The following ZFAND5 variants were observed in gnomAD, a reference collection of about 807,000 sequenced individuals.
ZFAND5 encodes the protein AN1-type zinc finger protein 5.
A neutral mutation model predicts 23.6 loss-of-function variants in ZFAND5; 4 were observed. The ratio of observed to expected loss-of-function variants is 0.17; its 90% confidence interval spans 0.08 to 0.39. The LOEUF is 0.39. Among genes scored for constraint, ZFAND5 ranks in the 10% least tolerant of loss-of-function variants. The pLI, the probability that ZFAND5 is intolerant of heterozygous loss-of-function variation, is 1.00. For synonymous variants in ZFAND5, 68 were observed against 80.6 expected (o/e 0.84, Z 0.84); for missense variants, 161 against 253.7 (o/e 0.63, Z 2.48).
chr9:72,362,107 G>A (rs1460533281), intron 2 of ZFAND5, among the ~76,000 whole-genome samples: 2 of 152,122 alleles, frequency 1.3e-5, no homozygotes, highest in Non-Finnish European at 2.9e-5. Flanking sequence ...CAAATATTAA[G>A]ACAATCTAGC....
chr9:72,354,860 TG>T lies in ZFAND5; in HGVS notation c.*1092del, dbSNP rs1218126262. The T allele has an allele frequency of 6.6e-6, 1 of 152,656 alleles. No homozygotes were observed. The highest frequency in any genetic ancestry group is 2.4e-5 in the African/African-American group (1 of 41,460). The allele number at this position is 152,656 out of a possible 1,614,324, so 9.5% of individuals were successfully genotyped here. A position where few individuals can be genotyped will look rare whatever the true frequency, so the allele number is the denominator to read the frequency against. ...TTTTCTAGTTGTTATTGTACAATGCTGTAGATAATGCAGCCCATGCAATACA... is the reference window on the plus strand; with the variant it reads ...TTTTCTAGTTGTTATTGTACAATGCTTAGATAATGCAGCCCATGCAATACA... On this transcript the variant is annotated 3_prime_UTR_variant, in exon 7 of 7. Coordinates refer to ENST00000376962, the MANE Select transcript of ZFAND5 (RefSeq NM_001102420.3).
Position 72,353,547 on chromosome 9 carries a change from GC to G in ZFAND5, c.*2405del, listed in dbSNP as rs1587864313. The G allele has an allele frequency of 1.3e-5, 2 of 152,384 alleles. No individual in the cohort carries two copies. Among genetic ancestry groups the G allele is most frequent in the African/African-American group, 4.8e-5 (2 of 41,548 alleles). 9.4% of individuals were successfully genotyped at this position (152,384 alleles called of 1,614,324 possible). A position where few individuals can be genotyped will look rare whatever the true frequency, so the allele number is the denominator to read the frequency against. Reference sequence around the variant, plus strand: ...AAATTAGCTGGGCGTGGTGGCTGGTGCCTGTGATCCCAGCTACTTAGGAGGC... The same window carrying G: ...AAATTAGCTGGGCGTGGTGGCTGGTGCTGTGATCCCAGCTACTTAGGAGGC... On this transcript the variant is annotated 3_prime_UTR_variant, in exon 7 of 7. Transcript: ENST00000376962.
rs1489105281 is a variant in ZFAND5 at position 72,354,633 on chromosome 9, A to G, written c.*1320T>C. On this transcript the variant is annotated 3_prime_UTR_variant, in exon 7 of 7. Transcript: ENST00000376962. ...CTGAATGCTTTAAGAATAAAAGTAA[A>G]AACTAGGACTGAACATTGCAATAAA... 6.6e-6 allele frequency: 1 copy of G among 152,666 alleles called. No homozygotes were observed. The highest frequency in any genetic ancestry group is 6.5e-5 in the Admixed American group (1 of 15,284). 9.5% of individuals were successfully genotyped at this position (152,666 alleles called of 1,614,324 possible). A position where few individuals can be genotyped will look rare whatever the true frequency, so the allele number is the denominator to read the frequency against.
intron 5 of ZFAND5, among the ~76,000 whole-genome samples, chr9:72,358,432 A>G (rs3012504): frequency 0.43 from 64,615 of 151,880 alleles, 14,687 homozygotes; most frequent in South Asian, 0.57. Flanking sequence ...AGTGAATCAC[A>G]GAATGCCTAC....
chr9:72,358,246 A>G (rs1281208391), intron 5 of ZFAND5, among the ~76,000 whole-genome samples: 1 of 152,158 alleles, frequency 6.6e-6, no homozygotes, highest in Non-Finnish European at 1.5e-5. Flanking sequence ...TGCTACTGTG[A>G]CAACATTAAT....
At chr9:72,359,677 A>G (rs17630132) in intron 4 of ZFAND5, among the ~76,000 whole-genome samples, 156 bp from the exon 5 acceptor site, 5,769 of 152,284 alleles carry the variant, frequency 0.038, 134 homozygotes, top group African/African-American at 0.06. Context: ...GATGCCCAGC[A>G]CAAATGGTTG....
At chr9:72,358,566 T>C (rs984176920) in intron 5 of ZFAND5, among the ~76,000 whole-genome samples, 8 of 152,198 alleles carry the variant, frequency 5.3e-5, no homozygotes. Context: ...GGCAAACTAA[T>C]GTGGTCAGTT....
Position 72,364,729 on chromosome 9 carries a change from C to G in ZFAND5, c.-180G>C, listed in dbSNP as rs1842215004. 1.3e-6 allele frequency: 1 copy of G among 741,886 alleles called. No individual in the cohort carries two copies. The highest frequency in any genetic ancestry group is 2.7e-5 in the South Asian group (1 of 36,808). 46.0% of individuals were successfully genotyped at this position (741,886 alleles called of 1,614,324 possible). A position where few individuals can be genotyped will look rare whatever the true frequency, so the allele number is the denominator to read the frequency against. ...GTCCCAAATGCGAAAGCCGGGTTCG[C>G]GCGCGAAGCCGGCACGATGAGGCCG... On this transcript the variant is annotated 5_prime_UTR_variant, in exon 1 of 7. Transcript: ENST00000376962.
At chr9:72,361,654 C>T (rs1450490525) in intron 2 of ZFAND5, among the ~76,000 whole-genome samples, 1 of 152,108 alleles carries the variant, frequency 6.6e-6, no homozygotes, top group African/African-American at 2.4e-5. Context: ...TGCTGGGTTA[C>T]CAGAAAAAGC....
At position 72,363,488 on chromosome 9, in the gene ZFAND5, G is replaced by C; in HGVS notation, c.-28C>G. On this transcript the variant is annotated 5_prime_UTR_variant, in exon 2 of 7. Coordinates refer to ENST00000376962, the MANE Select transcript of ZFAND5 (RefSeq NM_001102420.3). ...CACTCACCTGGGAATGGAGACCTGA[G>C]TTCAAGTCTCTAGTCTGCCACTAAG... is the stretch of plus-strand genomic sequence containing the variant. The C allele has an allele frequency of 3.4e-6, 1 of 297,438 alleles. No individual in the cohort carries two copies. Among genetic ancestry groups the C allele is most frequent in the Non-Finnish European group, 5.0e-6 (1 of 200,808 alleles). 18.4% of individuals were successfully genotyped at this position (297,438 alleles called of 1,614,324 possible).
At chr9:72,356,655 G>C (rs898453178) in intron 6 of ZFAND5, among the ~76,000 whole-genome samples, 1 of 152,136 alleles carries the variant, frequency 6.6e-6, no homozygotes, top group Non-Finnish European at 1.5e-5. Context: ...CTTACTGTTA[G>C]TTCAGTAACA....
At chr9:72,364,356 C>G in intron 1 of ZFAND5, 1 of 1,133,116 alleles carries the variant, frequency 8.8e-7, no homozygotes, top group Non-Finnish European at 1.1e-6. Flanking sequence ...CCGCCTCGGC[C>G]TCTTTGTTTC....
intron 2 of ZFAND5, among the ~76,000 whole-genome samples, chr9:72,361,894 T>A (rs1842114792): frequency 6.6e-6 from 1 of 152,274 alleles, no homozygotes; most frequent in Non-Finnish European, 1.5e-5. Flanking sequence ...TCGTGTGCTG[T>A]AACTTGTGGT....
At chr9:72,358,645 C>T (rs1435447818) in intron 5 of ZFAND5, among the ~76,000 whole-genome samples, 1 of 152,098 alleles carries the variant, frequency 6.6e-6, no homozygotes, top group Admixed American at 6.6e-5. Flanking sequence ...TTGGCCTTAA[C>T]TTTGTAAGAT....
intron 4 of ZFAND5, 123 bp from the exon 5 acceptor site, chr9:72,359,644 A>T: frequency 1.1e-6 from 1 of 927,964 alleles, no homozygotes; most frequent in Non-Finnish European, 1.5e-6. Context: ...GAGCTAGATA[A>T]TCTAAAGTTT....
chr9:72,362,451 G>A (rs1313929986), intron 2 of ZFAND5, among the ~76,000 whole-genome samples: 1 of 152,176 alleles, frequency 6.6e-6, no homozygotes, highest in Non-Finnish European at 1.5e-5. Context: ...TTTCTACACT[G>A]AGGCCCAGTC....
In ZFAND5 at chr9:72,354,662, G is replaced by C. The variant is rs1043033; in HGVS notation, c.*1291C>G. The C allele has an allele frequency of 6.6e-6, 1 of 152,542 alleles. No homozygotes were observed. Among genetic ancestry groups the C allele is most frequent in the Non-Finnish European group, 1.5e-5 (1 of 68,034 alleles). 9.4% of individuals were successfully genotyped at this position (152,542 alleles called of 1,614,324 possible). A position where few individuals can be genotyped will look rare whatever the true frequency, so the allele number is the denominator to read the frequency against. On this transcript the variant is annotated 3_prime_UTR_variant, in exon 7 of 7. Coordinates refer to ENST00000376962, the MANE Select transcript of ZFAND5 (RefSeq NM_001102420.3). ...TAGGACTGAACATTGCAATAAATCA[G>C]AAGTAGTGCCTCGTGTACATACTTA...
chr9:72,364,448 C>G (rs1300193225), intron 1 of ZFAND5: 2 of 1,271,328 alleles, frequency 1.6e-6, no homozygotes, highest in Admixed American at 2.4e-5. Context: ...GCACGCCGTG[C>G]ATTGTTTCCC....
intron 2 of ZFAND5, among the ~76,000 whole-genome samples, chr9:72,361,521 A>C (rs937365333): frequency 3.9e-5 from 6 of 152,232 alleles, no homozygotes; most frequent in Non-Finnish European, 5.9e-5. Context: ...AGCCAAAGGC[A>C]CTATTAATTT....
Sources: gnomAD v4.1 joint callset for allele counts (sites outside exome capture counted in the v4.1 genomes callset) on GRCh38, gnomAD v4.1.1 for gene constraint, MANE v1.5 for transcripts, NCBI Gene and HGNC (gene_info 2026-07-23, HGNC 2026-07-21) for gene names.